Variants in DPP4 observed in about 807,000 individuals in gnomAD.
DPP4 encodes ADCP-2.
In DPP4, 93 loss-of-function variants were observed where a neutral mutation model predicts 122.4. The observed-to-expected ratio is 0.76, with a 90% CI of 0.64 to 0.90. The LOEUF (loss-of-function observed/expected upper bound fraction) is 0.90. DPP4 is among the 40% of genes least tolerant of loss of function. The pLI is 0.00. For missense variants in DPP4, 914 were observed against 907.3 expected, an observed-to-expected ratio of 1.01 and a Z score of -0.09; for synonymous variants, 321 against 302.9, an observed-to-expected ratio of 1.06 and a Z score of -0.62.
chr2:162,036,773 C>T (rs1056949300), intron 8 of DPP4, among the ~76,000 whole-genome samples: 1 of 152,108 alleles, frequency 6.6e-6, no homozygotes, highest in Non-Finnish European at 1.5e-5. Flanking sequence ...TAGCTCATTG[C>T]ACAAAGAAGG....
chr2:162,009,265 G>T lies in DPP4; in HGVS notation c.1863C>A (p.Asn621Lys). The T allele has an allele frequency of 1.2e-6, 2 of 1,613,776 alleles. No homozygotes were observed. The highest frequency in any genetic ancestry group is 1.1e-5 in the South Asian group (1 of 91,070). The change falls in exon 21 of 26, where the codon AAC (asparagine) becomes AAA (lysine). Residue 621 changes from asparagine to lysine, a missense_variant. Coordinates refer to ENST00000360534, the MANE Select transcript of DPP4 (RefSeq NM_001935.4). ...RQFSKMGFVD[N>K]KRIAIWGWSY... ...CCCAGCCCCAAATTGCAATTCGTTT[G>T]TTGTCCACAAATCCCATTTTTGAAA... is the stretch of plus-strand genomic sequence containing the variant.
intron 11 of DPP4, among the ~76,000 whole-genome samples, chr2:162,024,422 A>G (rs947240710): frequency 6.6e-6 from 1 of 152,128 alleles, no homozygotes; most frequent in Non-Finnish European, 1.5e-5. Flanking sequence ...TTTCACACAC[A>G]CTCAGCCAGT....
Position 162,019,261 on chromosome 2 carries a change from A to G in DPP4, c.1260T>C (p.Asn420=), listed in dbSNP as rs773837497. 2 of 1,574,864 alleles carry G rather than the reference A, an allele frequency of 1.3e-6. No individual in the cohort carries two copies. The highest frequency in any genetic ancestry group is 4.5e-5 in the East Asian group (2 of 44,556). Residue 420 remains asparagine, a synonymous_variant, in exon 15 of 26, where the codon AAT becomes AAC. Transcript: ENST00000360534. ...LTSDYLYYIS[N]EYKGMPGGRN... ...TTCCTCCTGGCATTCCTTTATATTC[A>G]TTACTAATGTAGTATCTAGGAAGAG...
At chr2:162,020,342 G>A (rs201871876) in intron 13 of DPP4, 46 bp from the exon 14 acceptor site, 11 of 1,285,770 alleles carry the variant, frequency 8.6e-6, no homozygotes, top group Middle Eastern at 2.0e-4. Flanking sequence ...AGATTGATTA[G>A]AGACTCTCTC....
chr2:162,073,904 T>C, intron 1 of DPP4, 72 bp downstream of exon 1: 1 of 1,592,282 alleles, frequency 6.3e-7, no homozygotes, highest in Non-Finnish European at 8.6e-7. Flanking sequence ...CGCCAGCTTT[T>C]GGGCCATTTG....
In DPP4 at chr2:162,018,985, G is replaced by A. The variant is rs1486233941; in HGVS notation, c.1299-135C>T. 3 of 1,117,036 alleles carry A rather than the reference G, an allele frequency of 2.7e-6. No homozygotes were observed. In the East Asian group the frequency reaches 7.4e-5, roughly 27 times the overall value. 69.2% of individuals were successfully genotyped at this position (1,117,036 alleles called of 1,614,324 possible). A position where few individuals can be genotyped will look rare whatever the true frequency, so the allele number is the denominator to read the frequency against. ...TTTAGGACTTTTTTTTTTTTAGCATGAAATAAATACATGAATTAATAGTAA... is the reference window on the plus strand; with the variant it reads ...TTTAGGACTTTTTTTTTTTTAGCATAAAATAAATACATGAATTAATAGTAA... On this transcript the variant is annotated intron_variant, in intron 15 of 25. Transcript: ENST00000360534.
At chr2:162,036,828 C>A (rs76077165) in intron 8 of DPP4, among the ~76,000 whole-genome samples, 10,728 of 152,206 alleles carry the variant, frequency 0.07, 567 homozygotes, top group East Asian at 0.13. Flanking sequence ...GAGACAAGAA[C>A]TAGAACCCAG....
rs1411395877 is a variant in DPP4, at chr2:162,033,596, A to C, written c.832T>G (p.Ser278Ala). 1.9e-6 allele frequency: 3 copies of C among 1,613,382 alleles called. No individual in the cohort carries two copies. The South Asian group carries it at 3.3e-5, about 18-fold the overall frequency. ...TGTATGGAAGTTGCATTGGTGACTG[A>C]GCTGAGAGAGTCTGTATTTACAACA... ...FFVVNTDSLS[S>A]VTNATSIQIT... Residue 278 changes from serine to alanine, a missense_variant, in exon 10 of 26, where the codon TCA becomes GCA. Transcript: ENST00000360534.
chr2:162,071,446 A>T (rs180778833), intron 2 of DPP4, among the ~76,000 whole-genome samples: 2 of 152,224 alleles, frequency 1.3e-5, no homozygotes, highest in East Asian at 3.9e-4. Flanking sequence ...GATAAAGACC[A>T]TCCTGGCCAA....
chr2:162,051,051 AT>A (rs1419204414), intron 2 of DPP4, among the ~76,000 whole-genome samples: 1 of 152,214 alleles, frequency 6.6e-6, no homozygotes, highest in East Asian at 1.9e-4. Context: ...TGAGTTTCAA[AT>A]CTTTAATTTA....
chr2:162,060,790 T>G (rs1000911648), intron 2 of DPP4, among the ~76,000 whole-genome samples: 1 of 152,112 alleles, frequency 6.6e-6, no homozygotes, highest in Non-Finnish European at 1.5e-5. Flanking sequence ...AATCTATGAC[T>G]CAGATGCTTG....
At chr2:162,046,722 G>A in intron 4 of DPP4, 193 bp downstream of exon 4, 1 of 647,142 alleles carries the variant, frequency 1.5e-6, no homozygotes, top group Admixed American at 2.1e-5. Flanking sequence ...ATGGGCAGAG[G>A]AAGAGGAATC....
chr2:162,033,697 A>AG, intron 9 of DPP4, 44 bp from the exon 10 acceptor site: 1 of 1,365,438 alleles, frequency 7.3e-7, no homozygotes, highest in Non-Finnish European at 1.0e-6. Flanking sequence ...AAAAAAAAAA[A>AG]AGTAACATCG....
chr2:162,047,783 T>C (rs1684241915), intron 2 of DPP4, among the ~76,000 whole-genome samples: 1 of 152,172 alleles, frequency 6.6e-6, no homozygotes, highest in East Asian at 1.9e-4. Context: ...CCTATAGAAA[T>C]AGAATGTGAG....
intron 23 of DPP4, among the ~76,000 whole-genome samples, chr2:161,997,230 C>G (rs763083878): frequency 6.6e-5 from 10 of 152,158 alleles, no homozygotes; most frequent in Non-Finnish European, 1.2e-4. Context: ...GAATAAAAAC[C>G]TGAGTGAGAC....
At chr2:162,006,629 A>C (rs1360974714) in intron 22 of DPP4, among the ~76,000 whole-genome samples, 1 of 152,168 alleles carries the variant, frequency 6.6e-6, no homozygotes, top group East Asian at 1.9e-4. Flanking sequence ...AACAGGTTGC[A>C]TAATTGGTTT....
rs982769743 is a variant in DPP4, at chr2:162,000,318, A to G, written c.2053-4946T>C. On this transcript the variant is annotated intron_variant, in intron 23 of 25. Transcript: ENST00000360534. ...AGAAAAGAATGACTTCAACTCACTA[A>G]AACAGATGTTTTACTTATGTACATC... Among the ~76,000 whole-genome samples the G allele has an allele frequency of 3.3e-5, 5 of 152,282 alleles. No homozygotes were observed. The East Asian group carries it at 7.7e-4, about 24-fold the overall frequency.
At chr2:162,041,788 A>T (rs1304266345) in intron 5 of DPP4, among the ~76,000 whole-genome samples, 3 of 152,184 alleles carry the variant, frequency 2.0e-5, no homozygotes, top group African/African-American at 7.2e-5. Flanking sequence ...CAGATTCATT[A>T]TTCTATTTAG....
chr2:162,046,237 T>C (rs1684169893), intron 4 of DPP4, among the ~76,000 whole-genome samples: 1 of 152,098 alleles, frequency 6.6e-6, no homozygotes, highest in African/African-American at 2.4e-5. Context: ...GAGCACTCAT[T>C]ACCACAAGAT....
Sources: allele counts gnomAD v4.1 joint callset (sites outside exome capture counted in the v4.1 genomes callset), GRCh38; gene constraint gnomAD v4.1.1; transcripts MANE v1.5; gene names NCBI Gene and HGNC (gene_info 2026-07-23, HGNC 2026-07-21).